The following KLHDC10 variants were observed in gnomAD, a reference collection of about 807,000 sequenced individuals.
The protein encoded by KLHDC10 is kelch domain containing 10, also known as kelch domain-containing protein 10.
A neutral mutation model predicts 56.1 loss-of-function variants in KLHDC10; 24 were observed. That is an observed-to-expected ratio of 0.43 (90% CI 0.31 to 0.60). KLHDC10 has a LOEUF of 0.60. KLHDC10 is among the 20% of genes least tolerant of loss of function. The pLI is 0.11. For missense variants in KLHDC10, 349 were observed against 567.0 expected, an observed-to-expected ratio of 0.62 and a Z score of 3.91; for synonymous variants, 188 against 207.1, an observed-to-expected ratio of 0.91 and a Z score of 0.79.
intron 4 of KLHDC10, among the ~76,000 whole-genome samples, chr7:130,121,795 C>T (rs1226781152): frequency 6.6e-6 from 1 of 152,168 alleles, no homozygotes; most frequent in East Asian, 1.9e-4. Context: ...ATTTGATCAG[C>T]CAGGACCCTT....
chr7:130,109,350 G>A (rs990967764), intron 2 of KLHDC10, among the ~76,000 whole-genome samples: 1 of 151,428 alleles, frequency 6.6e-6, no homozygotes, highest in Non-Finnish European at 1.5e-5. Flanking sequence ...AGCCACCCAC[G>A]TAGCTGGGAC....
chr7:130,086,609 T>G (rs1795694959), intron 1 of KLHDC10, among the ~76,000 whole-genome samples: 1 of 152,250 alleles, frequency 6.6e-6, no homozygotes, highest in Non-Finnish European at 1.5e-5. Flanking sequence ...GTATTCTTTC[T>G]GCATCTGTCT....
chr7:130,076,161 G>A (rs11769785), intron 1 of KLHDC10, among the ~76,000 whole-genome samples: 31,784 of 151,894 alleles, frequency 0.21, 4,132 homozygotes, highest in Non-Finnish European at 0.28. Context: ...ACAGTTCACC[G>A]TAGAGTTAGC....
At chr7:130,075,280 A>G (rs1795482187) in intron 1 of KLHDC10, among the ~76,000 whole-genome samples, 1 of 152,258 alleles carries the variant, frequency 6.6e-6, no homozygotes, top group African/African-American at 2.4e-5. Context: ...TGTTGCTAAC[A>G]TGGGAACTGG....
intron 2 of KLHDC10, among the ~76,000 whole-genome samples, chr7:130,108,797 A>G (rs1169375335): frequency 1.3e-5 from 2 of 151,496 alleles, no homozygotes; most frequent in East Asian, 1.9e-4. Flanking sequence ...CCCAAATGTT[A>G]TTTTGTCTTT....
At chr7:130,076,401 C>T (rs1795504328) in intron 1 of KLHDC10, among the ~76,000 whole-genome samples, 1 of 152,080 alleles carries the variant, frequency 6.6e-6, no homozygotes, top group Non-Finnish European at 1.5e-5. Context: ...CACAGTTTTT[C>T]ATTTGCGTTT....
Position 130,132,897 on chromosome 7 carries a change from C to T in KLHDC10, c.*2151C>T, listed in dbSNP as rs566231405. On this transcript the variant is annotated 3_prime_UTR_variant, in exon 10 of 10. Coordinates refer to ENST00000335420, the MANE Select transcript of KLHDC10 (RefSeq NM_014997.4). ...GCCTCTGTGCTTAGACTTTCATGGT[C>T]CTTAGGATAGAAGTGAGTCTCTAGC... 6.6e-6 allele frequency: 1 copy of T among 152,312 alleles called. No individual in the cohort carries two copies. Among genetic ancestry groups the T allele is most frequent in the South Asian group, 2.1e-4 (1 of 4,822 alleles). 9.4% of individuals were successfully genotyped at this position (152,312 alleles called of 1,614,324 possible). A position where few individuals can be genotyped will look rare whatever the true frequency, so the allele number is the denominator to read the frequency against.
rs77730161 is a variant in KLHDC10, at chr7:130,120,307, C to T, written c.476-442C>T. ...GAATTCCATAAATATGTATTGAATACGTCATATATGCCTAGCAATGAACTA... is the reference window on the plus strand; with the variant it reads ...GAATTCCATAAATATGTATTGAATATGTCATATATGCCTAGCAATGAACTA... On this transcript the variant is annotated intron_variant, in intron 3 of 9. Transcript: ENST00000335420. This position sits in a 1 kb window ranked among gnomAD's most constrained non-coding sequence, Gnocchi z 5.1. Among the ~76,000 whole-genome samples, 378 of 152,222 alleles carry T rather than the reference C, an allele frequency of 2.5e-3. 1 individual carries two copies. The highest frequency in any genetic ancestry group is 8.6e-3 in the African/African-American group (356 of 41,530).
chr7:130,074,690 A>G (rs1795473260), intron 1 of KLHDC10, among the ~76,000 whole-genome samples: 1 of 147,692 alleles, frequency 6.8e-6, no homozygotes, highest in African/African-American at 2.5e-5. Flanking sequence ...GCGCAATGTC[A>G]CTGCAACCTC....
chr7:130,108,190 T>G (rs1796042366), intron 2 of KLHDC10, among the ~76,000 whole-genome samples: 1 of 151,872 alleles, frequency 6.6e-6, no homozygotes, highest in Admixed American at 6.6e-5. Context: ...ATCGCGCCAC[T>G]GTACACCAGC....
At chr7:130,095,409 T>C (rs1795834873) in intron 1 of KLHDC10, among the ~76,000 whole-genome samples, 2 of 152,138 alleles carry the variant, frequency 1.3e-5, no homozygotes, top group Non-Finnish European at 2.9e-5. Flanking sequence ...AAATGGAACA[T>C]TTTAGCTTTT....
intron 2 of KLHDC10, among the ~76,000 whole-genome samples, chr7:130,108,817 C>G (rs1196181901): frequency 2.0e-5 from 3 of 152,036 alleles, no homozygotes; most frequent in Non-Finnish European, 4.4e-5. Flanking sequence ...TTACTTTATC[C>G]TGCTCCCTCT....
At chr7:130,127,359 G>A in intron 7 of KLHDC10, 45 bp from the exon 8 acceptor site, 2 of 1,543,788 alleles carry the variant, frequency 1.3e-6, no homozygotes. Context: ...GTGGTTCCCA[G>A]TCTTTCTGTA....
intron 1 of KLHDC10, among the ~76,000 whole-genome samples, chr7:130,086,454 A>G (rs1266692064): frequency 6.6e-6 from 1 of 152,184 alleles, no homozygotes; most frequent in Non-Finnish European, 1.5e-5. Context: ...TGTCCCTTTC[A>G]CCTGAGACCC....
At chr7:130,124,292 A>G (rs1342826447) in intron 5 of KLHDC10, among the ~76,000 whole-genome samples, 159 bp from the exon 6 acceptor site, 1 of 152,200 alleles carries the variant, frequency 6.6e-6, no homozygotes, top group Admixed American at 6.5e-5. Context: ...TTTTATGTAT[A>G]TTCTGTAAGT....
intron 7 of KLHDC10, among the ~76,000 whole-genome samples, 178 bp downstream of exon 7, chr7:130,126,109 A>C (rs1036496746): frequency 4.0e-5 from 6 of 151,686 alleles, no homozygotes; most frequent in Non-Finnish European, 8.8e-5. Context: ...TGAGCCCAGG[A>C]GTTTGAGACC....
chr7:130,085,405 AAGG>A (rs1434977656), intron 1 of KLHDC10, among the ~76,000 whole-genome samples: 5 of 151,918 alleles, frequency 3.3e-5, no homozygotes, highest in African/African-American at 1.2e-4. Flanking sequence ...GTGAGAAGGA[AAGG>A]AGAAGCAAGC....
intron 3 of KLHDC10, among the ~76,000 whole-genome samples, chr7:130,119,915 G>A (rs1230932632): frequency 1.3e-5 from 2 of 151,032 alleles, no homozygotes; most frequent in Non-Finnish European, 3.0e-5. Context: ...AAGAGCATAT[G>A]TATGAGTGAA....
chr7:130,122,233 C>A lies in KLHDC10; in HGVS notation c.779+31C>A, dbSNP rs748403979. On this transcript the variant is annotated intron_variant, in intron 5 of 9. Transcript: ENST00000335420. Reference sequence around the variant, plus strand: ...GTTCTAGGATTCAAGCATATTTATTCTTTCGTGCTAACATTTGACCTCTTT... The same window carrying A: ...GTTCTAGGATTCAAGCATATTTATTATTTCGTGCTAACATTTGACCTCTTT... The A allele has an allele frequency of 1.6e-5, 25 of 1,606,618 alleles. No homozygotes were observed. In the Admixed American group the frequency reaches 3.0e-4, roughly 20 times the overall value.
Sources: allele counts gnomAD v4.1 joint callset (sites outside exome capture counted in the v4.1 genomes callset), GRCh38; gene constraint gnomAD v4.1.1; non-coding constraint Gnocchi (gnomAD v3.1); transcripts MANE v1.5; gene names NCBI Gene and HGNC (gene_info 2026-07-23, HGNC 2026-07-21).